NIPBL: variants seen among roughly 807,000 people sequenced by gnomAD.
NIPBL encodes the protein NIPBL cohesin loading factor, also known as nipped-B-like protein.
Under a neutral mutation model 321.8 loss-of-function variants are expected in NIPBL, and 19 were observed. The ratio of observed to expected loss-of-function variants is 0.06; its 90% CI spans 0.04 to 0.09. The LOEUF (loss-of-function observed/expected upper bound fraction) is 0.09. Ranked by LOEUF, NIPBL falls within the 10% of genes least tolerant of loss-of-function variation. NIPBL has a pLI of 1.00. For synonymous variants in NIPBL, 1,106 were observed against 1,114.1 expected (o/e 0.99, Z 0.14); for missense variants, 2,210 against 3,327.0 (o/e 0.66, Z 8.26).
At chr5:37,061,797 AGTT>A (rs1329425489) in intron 45 of NIPBL, among the ~76,000 whole-genome samples, 1 of 152,206 alleles carries the variant, frequency 6.6e-6, no homozygotes, top group East Asian at 1.9e-4. Context: ...CTATATACAT[AGTT>A]GTTATACTGC....
At chr5:36,919,756 G>GA (rs1191182906) in intron 1 of NIPBL, among the ~76,000 whole-genome samples, 1 of 152,062 alleles carries the variant, frequency 6.6e-6, no homozygotes. Flanking sequence ...TATGCATAAT[G>GA]AAAAACCTCT....
chr5:37,022,108 T>C lies in NIPBL; in HGVS notation c.5386T>C (p.Leu1796=). 6.2e-7 allele frequency: 1 copy of C among 1,614,206 alleles called. No homozygotes were observed. The change falls in exon 28 of 47, where the codon TTG becomes CTG. Residue 1796 remains leucine (L), a synonymous_variant. Transcript: ENST00000282516. ...TGTTCGAACAAAAGCCATGAAGTGT[T>C]TGTCTGAGGTTGTTGCTGTAGACCC... ...IAVRTKAMKC[L]SEVVAVDPSI...
intron 23 of NIPBL, among the ~76,000 whole-genome samples, chr5:37,016,694 T>C (rs923092357): frequency 6.6e-6 from 1 of 152,182 alleles, no homozygotes; most frequent in Non-Finnish European, 1.5e-5. Flanking sequence ...GAAACTATAA[T>C]AACTTTTCAT....
chr5:36,885,243 A>T, intron 1 of NIPBL: 1 of 531,710 alleles, frequency 1.9e-6, no homozygotes, highest in Non-Finnish European at 3.8e-6. Flanking sequence ...TCCACCAACT[A>T]CTGGTTCCTG....
chr5:36,955,441 A>G (rs1425491080), intron 2 of NIPBL, 31 bp from the exon 3 acceptor site: 5 of 1,592,834 alleles, frequency 3.1e-6, no homozygotes, highest in East Asian at 2.2e-5. Context: ...TAGTCACTCA[A>G]TTTCTAATAA....
intron 8 of NIPBL, among the ~76,000 whole-genome samples, chr5:36,973,254 T>C: frequency 6.6e-6 from 1 of 152,124 alleles, no homozygotes; most frequent in East Asian, 1.9e-4. Flanking sequence ...TTTTACCTCG[T>C]ATCTGCTTCA....
intron 1 of NIPBL, among the ~76,000 whole-genome samples, chr5:36,879,765 G>A (rs747957515): frequency 2.0e-5 from 3 of 151,926 alleles, no homozygotes; most frequent in Non-Finnish European, 4.4e-5. Context: ...CAACAATGTC[G>A]CTTATTGTTT....
At position 37,036,475 on chromosome 5, in the gene NIPBL, G is replaced by T; in HGVS notation, c.5959G>T (p.Glu1987Ter). The change falls in exon 33 of 47, where the codon GAA becomes TAA. Residue 1987 changes from glutamate (E) to a stop codon, truncating the protein, a stop_gained. Coordinates refer to ENST00000282516, the MANE Select transcript of NIPBL (RefSeq NM_133433.4). LOFTEE classifies it high-confidence loss of function. ...NLVEHILKYE[E>*]SLADSDNKGV... ...AGTTGAGCACATTCTTAAATATGAG[G>T]AATCTCTAGCTGGTAAGACATTTTA... 7.2e-7 allele frequency: 1 copy of T among 1,395,476 alleles called. No homozygotes were observed. Among genetic ancestry groups the T allele is most frequent in the South Asian group, 1.5e-5 (1 of 67,520 alleles). 86.4% of individuals were successfully genotyped at this position (1,395,476 alleles called of 1,614,324 possible).
At chr5:36,967,468 A>T (rs939691682) in intron 6 of NIPBL, among the ~76,000 whole-genome samples, 1 of 152,198 alleles carries the variant, frequency 6.6e-6, no homozygotes, top group Admixed American at 6.5e-5. Flanking sequence ...ATGAAGAGAT[A>T]TGCTAATCTT....
At chr5:36,890,116 A>G (rs553602024) in intron 1 of NIPBL, among the ~76,000 whole-genome samples, 1 of 152,262 alleles carries the variant, frequency 6.6e-6, no homozygotes, top group South Asian at 2.1e-4. Context: ...TATAATGTTC[A>G]TAATTCTTTA....
At chr5:37,046,322 A>G (rs1289871636) in intron 38 of NIPBL, 123 bp downstream of exon 38, 5 of 672,110 alleles carry the variant, frequency 7.4e-6, no homozygotes, top group Non-Finnish European at 5.3e-6. Context: ...GATTTGGTGT[A>G]TAGAATGTAG....
intron 6 of NIPBL, among the ~76,000 whole-genome samples, chr5:36,968,053 GC>G (rs1742406446): frequency 7.6e-6 from 1 of 132,376 alleles, no homozygotes; most frequent in Non-Finnish European, 1.5e-5. Context: ...CTGAGATCAC[GC>G]CACTGCACTC....
At chr5:36,936,653 C>A (rs1253513281) in intron 1 of NIPBL, among the ~76,000 whole-genome samples, 1 of 152,110 alleles carries the variant, frequency 6.6e-6, no homozygotes, top group East Asian at 1.9e-4. Flanking sequence ...ATTCTCACTA[C>A]CATCCCATTT....
At chr5:36,931,580 G>A (rs1749779502) in intron 1 of NIPBL, among the ~76,000 whole-genome samples, 1 of 152,090 alleles carries the variant, frequency 6.6e-6, no homozygotes, top group African/African-American at 2.4e-5. Context: ...GGCCTGGAAA[G>A]TGCTGGGATT....
At chr5:36,988,556 G>A (rs1745110959) in intron 10 of NIPBL, among the ~76,000 whole-genome samples, 1 of 151,864 alleles carries the variant, frequency 6.6e-6, no homozygotes, top group African/African-American at 2.4e-5. Flanking sequence ...TTGCTACTCA[G>A]TTTAAATAGC....
Position 36,986,025 on chromosome 5 carries a change from A to T in NIPBL, c.2845A>T (p.Arg949Trp). ...AEFPSYLLGG[R>W]SGALKNFVIP... ...ATTTCCAAGTTATTTGTTGGGGGGCAGGTCTGGTGCGTTGAAAAATTTTGT... is the reference window on the plus strand; with the variant it reads ...ATTTCCAAGTTATTTGTTGGGGGGCTGGTCTGGTGCGTTGAAAAATTTTGT... The change falls in exon 10 of 47, where the codon AGG (arginine) becomes TGG (tryptophan). Residue 949 changes from arginine (R) to tryptophan (W), a missense_variant. Coordinates refer to ENST00000282516, the MANE Select transcript of NIPBL (RefSeq NM_133433.4). The T allele has an allele frequency of 1.9e-6, 3 of 1,614,040 alleles. No homozygotes were observed. Among genetic ancestry groups the T allele is most frequent in the Non-Finnish European group, 2.5e-6 (3 of 1,179,950 alleles).
In NIPBL at chr5:36,976,151, A is replaced by C; in HGVS notation, c.1244A>C (p.Asn415Thr). 6.2e-7 allele frequency: 1 copy of C among 1,613,396 alleles called. No individual in the cohort carries two copies. Among genetic ancestry groups the C allele is most frequent in the Non-Finnish European group, 8.5e-7 (1 of 1,179,546 alleles). Residue 415 changes from asparagine (N) to threonine (T), a missense_variant, in exon 9 of 47, where the codon AAT becomes ACT. By Grantham distance (65) the Asn-to-Thr change is moderately conservative. Coordinates refer to ENST00000282516, the MANE Select transcript of NIPBL (RefSeq NM_133433.4). ...ITPQDINRPL[N>T]AAQCLSQQEQ... The stretch of plus-strand genomic sequence containing the variant: ...CCACAAGATATAAACCGCCCACTAA[A>C]TGCTGCTCAATGTTTGTCGCAGCAA...
At position 36,996,086 on chromosome 5, in the gene NIPBL, G is replaced by C. The variant is rs1415418398; in HGVS notation, c.3304+282G>C. Among the ~76,000 whole-genome samples, 1 of 152,178 alleles carries C rather than the reference G, an allele frequency of 6.6e-6. No individual in the cohort carries two copies. Among genetic ancestry groups the C allele is most frequent in the Non-Finnish European group, 1.5e-5 (1 of 68,038 alleles). On this transcript the variant is annotated intron_variant, in intron 11 of 46. Transcript: ENST00000282516. This position sits in a 1 kb window ranked among gnomAD's most constrained non-coding sequence, Gnocchi z 5.0. ...TTTATTGAGCTCCTATTATATGCTA[G>C]ACACTGAGAGTAAAAATGCAAATAA...
chr5:36,888,534 T>C (rs547321748), intron 1 of NIPBL, among the ~76,000 whole-genome samples: 2 of 152,228 alleles, frequency 1.3e-5, no homozygotes, highest in East Asian at 3.9e-4. Context: ...GGAAACAAGT[T>C]TACTTAAATA....
Sources: allele counts gnomAD v4.1 joint callset (sites outside exome capture counted in the v4.1 genomes callset), GRCh38; gene constraint gnomAD v4.1.1; non-coding constraint Gnocchi (gnomAD v3.1); transcripts MANE v1.5; gene names NCBI Gene and HGNC (gene_info 2026-07-23, HGNC 2026-07-21).